Variants in KASH5 observed in about 807,000 individuals in gnomAD.
KASH5 encodes protein KASH5.
Under a neutral mutation model 84.2 loss-of-function variants are expected in KASH5, and 72 were observed. That is an observed-to-expected ratio of 0.85 (90% CI 0.71 to 1.04). The LOEUF is 1.04. Among genes scored for constraint, KASH5 ranks in the 50% least tolerant of loss-of-function variants. KASH5 has a pLI of 0.00. For missense variants in KASH5, 650 were observed against 701.0 expected (o/e 0.93, Z 0.82); for synonymous variants, 260 against 279.1 (o/e 0.93, Z 0.68).
chr19:49,389,009 G>C (rs2094325268), intron 1 of KASH5, among the ~76,000 whole-genome samples: 2 of 151,594 alleles, frequency 1.3e-5, no homozygotes, highest in South Asian at 4.2e-4. Flanking sequence ...AATGCACTCA[G>C]AGACCCCCGC....
At chr19:49,411,917 AGG>A (rs1491587026) in intron 15 of KASH5, among the ~76,000 whole-genome samples, 1 of 130,826 alleles carries the variant, frequency 7.6e-6, no homozygotes, top group Non-Finnish European at 1.6e-5. Flanking sequence ...GGAGGGAAGG[AGG>A]GAAGGAAGGA....
Position 49,409,879 on chromosome 19 carries a change from A to G in KASH5, c.1269+4A>G. ...TGAAGCCCCAGCTGGGGGACAGGTG[A>G]GCACAGGAAAAGCTCTGAAGTCCAG... On this transcript the variant is annotated splice_donor_region_variant and intron_variant, in intron 15 of 19. Coordinates refer to ENST00000447857, the MANE Select transcript of KASH5 (RefSeq NM_144688.5). 1 of 1,613,246 alleles carries G rather than the reference A, an allele frequency of 6.2e-7. No homozygotes were observed. Among genetic ancestry groups the G allele is most frequent in the Non-Finnish European group, 8.5e-7 (1 of 1,179,502 alleles).
At chr19:49,400,426 C>T (rs1313723437) in intron 9 of KASH5, among the ~76,000 whole-genome samples, 1 of 140,332 alleles carries the variant, frequency 7.1e-6, no homozygotes, top group Non-Finnish European at 1.5e-5. Flanking sequence ...AGTGGAATGG[C>T]GCGATCTTAC....
rs903932119 is a variant in KASH5 at position 49,394,842 on chromosome 19, C to T, written c.148+262C>T. On this transcript the variant is annotated intron_variant, in intron 3 of 19. Coordinates refer to ENST00000447857, the MANE Select transcript of KASH5 (RefSeq NM_144688.5). The stretch of plus-strand genomic sequence containing the variant: ...TGGGATAGGGGAGGGAGGCAGCCAC[C>T]ATGGTGGCGTGGGGCATGGCTGATG... 4 of 587,120 alleles carry T rather than the reference C, an allele frequency of 6.8e-6. No individual in the cohort carries two copies. The Admixed American group carries it at 9.0e-5, about 13-fold the overall frequency. 36.4% of individuals were successfully genotyped at this position (587,120 alleles called of 1,614,324 possible). A position where few individuals can be genotyped will look rare whatever the true frequency, so the allele number is the denominator to read the frequency against.
At chr19:49,398,795 C>T (rs998753097) in intron 7 of KASH5, among the ~76,000 whole-genome samples, 1 of 152,162 alleles carries the variant, frequency 6.6e-6, no homozygotes, top group Non-Finnish European at 1.5e-5. Context: ...CTCTCTAGGT[C>T]TCTTTCCCAC....
rs775692838 is a variant in KASH5, at chr19:49,407,704, C to T, written c.993+33C>T. The T allele has an allele frequency of 1.3e-5, 20 of 1,575,158 alleles. No individual in the cohort carries two copies. In the South Asian group the frequency reaches 2.0e-4, roughly 16 times the overall value. ...AGCGGCCCTCGCCACCCACCGCGGC[C>T]CTCGCCACTTCTCTTTTGCCATCTC... On this transcript the variant is annotated intron_variant, in intron 12 of 19. Coordinates refer to ENST00000447857, the MANE Select transcript of KASH5 (RefSeq NM_144688.5).
chr19:49,406,766 C>T, intron 9 of KASH5, 120 bp from the exon 10 acceptor site: 2 of 861,506 alleles, frequency 2.3e-6, no homozygotes, highest in East Asian at 2.7e-5. Context: ...TGGGTTAAAA[C>T]ATATGAAGTG....
chr19:49,400,461 TTCAA>T (rs1974331764), intron 9 of KASH5, among the ~76,000 whole-genome samples: 1 of 150,958 alleles, frequency 6.6e-6, no homozygotes, highest in African/African-American at 2.4e-5. Context: ...CGTCTCCCGG[TTCAA>T]GTGATTCTTC....
At position 49,399,113 on chromosome 19, in the gene KASH5, C is replaced by T. The variant is rs930242469; in HGVS notation, c.718C>T (p.Arg240Cys). 1.9e-6 allele frequency: 3 copies of T among 1,551,456 alleles called. No individual in the cohort carries two copies. Among genetic ancestry groups the T allele is most frequent in the Non-Finnish European group, 2.6e-6 (3 of 1,146,966 alleles). The change falls in exon 8 of 20, where the codon CGC (arginine) becomes TGC (cysteine). Residue 240 changes from arginine (R) to cysteine (C), a missense_variant. By Grantham distance (180) the Arg-to-Cys change is radical (BLOSUM62 -3). Coordinates refer to ENST00000447857, the MANE Select transcript of KASH5 (RefSeq NM_144688.5). The surrounding 1 kb of genome is among the most constrained non-coding windows in gnomAD (Gnocchi z 4.4). ...GGCCAGGAGCCTGGAGGAACAGAAT[C>T]GCAGCCTTCTGGCCCAAGCCCGGCA... ...TLARSLEEQN[R>C]SLLAQARQAE... is the part of the protein sequence containing the mutation.
At chr19:49,394,904 A>T in intron 3 of KASH5, 1 of 590,942 alleles carries the variant, frequency 1.7e-6, no homozygotes, top group Non-Finnish European at 3.0e-6. Flanking sequence ...TTACCCTGTG[A>T]TGGGGGGATG....
At chr19:49,415,203 G>C (rs553903273) in intron 17 of KASH5, 2 of 614,350 alleles carry the variant, frequency 3.3e-6, no homozygotes, top group African/African-American at 1.8e-5. Context: ...GCTAGTGGGC[G>C]GCCAGGCTGC....
chr19:49,394,424 TCTTC>T (rs1974105890), intron 2 of KASH5, 48 bp from the exon 3 acceptor site: 12 of 1,465,214 alleles, frequency 8.2e-6, no homozygotes, highest in Middle Eastern at 1.7e-4. Flanking sequence ...GGGTCACCCC[TCTTC>T]CTTCCTTATT....
rs1184159117 is a variant in KASH5, at chr19:49,412,718, G to T, written c.1270-250G>T. ...CTCCTGGGTCCTGTCAGGGAAGGGG[G>T]CTTGGTGGCATCGAGAACAACCCTT... On this transcript the variant is annotated intron_variant, in intron 15 of 19. Transcript: ENST00000447857. The surrounding 1 kb of genome is among the most constrained non-coding windows in gnomAD (Gnocchi z 4.6). Among the ~76,000 whole-genome samples, 1 of 152,192 alleles carries T rather than the reference G, an allele frequency of 6.6e-6. No individual in the cohort carries two copies. The highest frequency in any genetic ancestry group is 1.5e-5 in the Non-Finnish European group (1 of 68,026).
intron 9 of KASH5, among the ~76,000 whole-genome samples, chr19:49,400,709 T>C (rs1974337895): frequency 6.6e-6 from 1 of 152,124 alleles, no homozygotes; most frequent in African/African-American, 2.4e-5. Context: ...TTCAAAGAAC[T>C]GGAAGAAGGG....
At chr19:49,394,040 G>A (rs1009763145) in intron 2 of KASH5, among the ~76,000 whole-genome samples, 3 of 152,118 alleles carry the variant, frequency 2.0e-5, no homozygotes, top group Admixed American at 6.6e-5. Context: ...TGCAGCAGGC[G>A]GGATCGATCT....
intron 1 of KASH5, chr19:49,390,415 A>C: frequency 6.2e-6 from 1 of 161,542 alleles, no homozygotes; most frequent in Non-Finnish European, 1.3e-5. Flanking sequence ...GAGCCATGGA[A>C]GGGTACTTAG....
At chr19:49,406,418 C>T (rs1241307408) in intron 9 of KASH5, among the ~76,000 whole-genome samples, 1 of 152,148 alleles carries the variant, frequency 6.6e-6, no homozygotes, top group Non-Finnish European at 1.5e-5. Flanking sequence ...GCTCTGTCGC[C>T]CAGGCTGGAG....
At chr19:49,398,467 C>T (rs1488168298) in intron 7 of KASH5, among the ~76,000 whole-genome samples, 1 of 151,564 alleles carries the variant, frequency 6.6e-6, no homozygotes, top group African/African-American at 2.4e-5. Context: ...CCTCTGGGCT[C>T]TAGCGAGCCT....
At position 49,399,096 on chromosome 19, in the gene KASH5, G is replaced by A. The variant is rs918861274; in HGVS notation, c.701G>A (p.Ser234Asn). ...ELEDLKTLAR[S>N]LEEQNRSLLA... ...GAGGACCTGAAGACTCTGGCCAGGA[G>A]CCTGGAGGAACAGAATCGCAGCCTT... is the stretch of plus-strand genomic sequence containing the variant. The change falls in exon 8 of 20, where the codon AGC becomes AAC. Residue 234 changes from serine to asparagine, a missense_variant. By Grantham distance (46) the Ser-to-Asn change is conservative (BLOSUM62 1). Transcript: ENST00000447857. The surrounding 1 kb of genome is among the most constrained non-coding windows in gnomAD (Gnocchi z 4.4). 18 of 1,551,612 alleles carry A rather than the reference G, an allele frequency of 1.2e-5. 1 individual carries two copies. Among genetic ancestry groups the A allele is most frequent in the Admixed American group, 3.9e-5 (2 of 50,946 alleles).
Sources: gnomAD v4.1 joint callset for allele counts (sites outside exome capture counted in the v4.1 genomes callset) on GRCh38, gnomAD v4.1.1 for gene constraint, Gnocchi (gnomAD v3.1) non-coding constraint, MANE v1.5 for transcripts, NCBI Gene and HGNC (gene_info 2026-07-23, HGNC 2026-07-21) for gene names.